Variants in NFILZ observed in about 807,000 individuals in gnomAD.
NFILZ encodes NFIL3 like protein.
chr19:8,657,441 T>C (rs186752311), intron 3 of NFILZ, among the ~76,000 whole-genome samples: 127 of 152,228 alleles, frequency 8.3e-4, no homozygotes, highest in Middle Eastern at 3.4e-3. Flanking sequence ...TTGGGGACTC[T>C]GGCTGCTGCA....
intron 4 of NFILZ, among the ~76,000 whole-genome samples, chr19:8,674,823 G>A (rs1555750582): frequency 6.6e-6 from 1 of 152,092 alleles, no homozygotes; most frequent in Non-Finnish European, 1.5e-5. Context: ...AAGGTCAAGG[G>A]CTGTTAGTGA....
At chr19:8,658,790 GA>G (rs1244153521) in intron 3 of NFILZ, among the ~76,000 whole-genome samples, 1 of 152,184 alleles carries the variant, frequency 6.6e-6, no homozygotes, top group African/African-American at 2.4e-5. Flanking sequence ...ATGAAAGAAA[GA>G]GAGACGTTAG....
intron 4 of NFILZ, among the ~76,000 whole-genome samples, chr19:8,674,809 A>T (rs1242885805): frequency 2.6e-5 from 4 of 152,174 alleles, no homozygotes; most frequent in Non-Finnish European, 4.4e-5. Flanking sequence ...TAGCAACAGA[A>T]ACTAAGGTCA....
At chr19:8,651,101 C>T (rs1404556614) in intron 3 of NFILZ, among the ~76,000 whole-genome samples, 1 of 152,152 alleles carries the variant, frequency 6.6e-6, no homozygotes, top group Admixed American at 6.5e-5. Flanking sequence ...TCCATTACCC[C>T]AAACATTTAT....
chr19:8,632,282 G>T (rs1485870576), intron 1 of NFILZ, among the ~76,000 whole-genome samples, 194 bp from the exon 2 acceptor site: 4 of 151,058 alleles, frequency 2.6e-5, no homozygotes, highest in African/African-American at 9.7e-5. Context: ...GTGTCAGGGG[G>T]TTATTTTTAC....
intron 3 of NFILZ, among the ~76,000 whole-genome samples, chr19:8,660,159 C>A (rs554757196): frequency 8.9e-4 from 136 of 152,312 alleles, no homozygotes; most frequent in African/African-American, 3.2e-3. Flanking sequence ...GCCCAGGCAC[C>A]AAACCCACCT....
At position 8,680,210 on chromosome 19, in the gene NFILZ, A is replaced by G. The variant is rs1487266477; in HGVS notation, c.*2575A>G. On this transcript the variant is annotated 3_prime_UTR_variant, in exon 6 of 6. Transcript: ENST00000691075. ...GACTCCATCTGAAAAAAAAAAAAAA[A>G]AAAAGGAAAAAGAAAAAATCCTGTT... 2.9e-5 allele frequency among the ~76,000 whole-genome samples: 4 copies of G among 140,090 alleles called. No homozygotes were observed. Among genetic ancestry groups the G allele is most frequent in the Admixed American group, 7.4e-5 (1 of 13,518 alleles). 91.9% of individuals were successfully genotyped at this position (140,090 alleles called of 152,430 possible).
intron 3 of NFILZ, among the ~76,000 whole-genome samples, chr19:8,653,042 C>CTTTCTT (rs2042975704): frequency 7.4e-4 from 21 of 28,252 alleles, no homozygotes; most frequent in South Asian, 1.5e-3. Flanking sequence ...CTTTCTTTCT[C>CTTTCTT]TCTCTCTCTC....
chr19:8,666,336 AT>A (rs113483563), intron 3 of NFILZ, among the ~76,000 whole-genome samples: 3,231 of 143,218 alleles, frequency 0.023, 90 homozygotes, highest in African/African-American at 0.076. Context: ...CTCCTGCTTC[AT>A]TTTTTTTTTT....
chr19:8,632,690 C>A (rs2042875779), intron 2 of NFILZ, 65 bp downstream of exon 2: 2 of 152,062 alleles, frequency 1.3e-5, no homozygotes, highest in African/African-American at 2.4e-5. Context: ...GGGCAACCAG[C>A]AGCTCTTGTC....
At position 8,677,078 on chromosome 19, in the gene NFILZ, C is replaced by T. The variant is rs4499342; in HGVS notation, c.313C>T (p.Arg105Trp). The T allele has an allele frequency of 0.13, 19,887 of 152,816 alleles. 1,693 individuals are homozygous for T. The highest frequency in any genetic ancestry group is 0.21 in the Admixed American group (3,284 of 15,304). The allele number at this position is 152,816 out of a possible 1,614,324, so 9.5% of individuals were successfully genotyped here. ...FGLLPLTGGPRALPLQALLLE... is the reference protein window; with the variant it reads ...FGLLPLTGGPWALPLQALLLE... ...CCTCCTGCCCCTGACTGGTGGGCCC[C>T]GGGCCTTGCCCCTGCAGGCTCTGCT... is the stretch of plus-strand genomic sequence containing the variant. The change falls in exon 6 of 6, where the codon CGG (arginine) becomes TGG (tryptophan). Residue 105 changes from arginine (R) to tryptophan (W), a missense_variant. By Grantham distance (101) the Arg-to-Trp change is moderately radical. Transcript: ENST00000691075.
At chr19:8,657,292 G>A (rs1375014189) in intron 3 of NFILZ, among the ~76,000 whole-genome samples, 1 of 151,676 alleles carries the variant, frequency 6.6e-6, no homozygotes, top group African/African-American at 2.4e-5. Flanking sequence ...TTGTAGAGAG[G>A]GGGGTTTCAT....
At chr19:8,674,956 G>A (rs1026745874) in intron 4 of NFILZ, among the ~76,000 whole-genome samples, 2 of 151,244 alleles carry the variant, frequency 1.3e-5, no homozygotes, top group Non-Finnish European at 3.0e-5. Context: ...GAAAAATGTG[G>A]TGTCTTTCAT....
chr19:8,665,255 T>C (rs1318508708), intron 3 of NFILZ, among the ~76,000 whole-genome samples: 2 of 151,934 alleles, frequency 1.3e-5, no homozygotes, highest in African/African-American at 4.8e-5. Flanking sequence ...AAAGGACAAA[T>C]ATGATTTGGC....
At chr19:8,638,842 C>T (rs1374428337) in intron 3 of NFILZ, among the ~76,000 whole-genome samples, 3 of 146,284 alleles carry the variant, frequency 2.1e-5, no homozygotes, top group Non-Finnish European at 4.5e-5. Flanking sequence ...ATTTACTTTG[C>T]TGTTTTTTTT....
chr19:8,646,034 T>A (rs1364568109), intron 3 of NFILZ, among the ~76,000 whole-genome samples: 1 of 152,054 alleles, frequency 6.6e-6, no homozygotes, highest in South Asian at 2.1e-4. Flanking sequence ...GACCCTTATT[T>A]TTTTTTCTTT....
At chr19:8,653,751 A>G (rs1191601394) in intron 3 of NFILZ, among the ~76,000 whole-genome samples, 1 of 152,220 alleles carries the variant, frequency 6.6e-6, no homozygotes, top group East Asian at 1.9e-4. Context: ...GTTCTCACTT[A>G]TAAGTGGGAG....
At chr19:8,675,963 T>C (rs1329062868) in intron 4 of NFILZ, among the ~76,000 whole-genome samples, 1 of 152,116 alleles carries the variant, frequency 6.6e-6, no homozygotes, top group African/African-American at 2.4e-5. Context: ...AAAGGCACAA[T>C]GTGATTTAAA....
At chr19:8,655,288 G>T (rs1442963381) in intron 3 of NFILZ, among the ~76,000 whole-genome samples, 1 of 152,184 alleles carries the variant, frequency 6.6e-6, no homozygotes, top group African/African-American at 2.4e-5. Context: ...CTTTCTAGAA[G>T]GGCCTTACGG....
Sources: gnomAD v4.1 joint callset for allele counts (sites outside exome capture counted in the v4.1 genomes callset) on GRCh38, gnomAD v4.1.1 for gene constraint, MANE v1.5 for transcripts, NCBI Gene and HGNC (gene_info 2026-07-23, HGNC 2026-07-21) for gene names.